The following TRAF6 variants were observed in gnomAD, a reference collection of about 807,000 sequenced individuals.
TRAF6 encodes TNF receptor associated factor 6.
TRAF6 carries 10 observed loss-of-function variants against 48.4 expected under a neutral mutation model. The observed-to-expected ratio is 0.21, with a 90% confidence interval of 0.13 to 0.35. TRAF6 has a LOEUF of 0.35. Ranked by LOEUF, TRAF6 falls within the 10% of genes least tolerant of loss-of-function variation. The pLI, the probability that TRAF6 is intolerant of heterozygous loss-of-function variation, is 1.00. For synonymous variants in TRAF6, 186 were observed against 219.6 expected (o/e 0.85, Z 1.35); for missense variants, 397 against 661.0 (o/e 0.60, Z 4.38).
chr11:36,500,775 C>T (rs972595073), intron 2 of TRAF6, among the ~76,000 whole-genome samples: 1 of 152,018 alleles, frequency 6.6e-6, no homozygotes, highest in African/African-American at 2.4e-5. Flanking sequence ...GGTAATTTTA[C>T]AGTTGACCAT....
intron 3 of TRAF6, among the ~76,000 whole-genome samples, chr11:36,497,884 AT>A (rs796280710): frequency 0.015 from 2,065 of 137,892 alleles, 29 homozygotes; most frequent in East Asian, 0.071. Context: ...TGACACTTGT[AT>A]TTTTTTTTTT....
In TRAF6 at chr11:36,507,565, A is replaced by G. The variant is rs374332990; in HGVS notation, c.-23+2483T>C. Among the ~76,000 whole-genome samples the G allele has an allele frequency of 2.4e-3, 10 of 4,172 alleles. 5 individuals carry two copies. Among genetic ancestry groups the G allele is most frequent in the African/African-American group, 2.7e-3 (10 of 3,754 alleles). 2.7% of individuals were successfully genotyped at this position (4,172 alleles called of 152,430 possible). A position where few individuals can be genotyped will look rare whatever the true frequency, so the allele number is the denominator to read the frequency against. The stretch of plus-strand genomic sequence containing the variant: ...TATACGTGTATACACGTATATATAC[A>G]TGTATATGTATACATACACGCGCGT... On this transcript the variant is annotated intron_variant, in intron 1 of 6. Coordinates refer to ENST00000526995, the MANE Select transcript of TRAF6 (RefSeq NM_004620.4).
At chr11:36,503,520 C>T (rs554561918) in intron 1 of TRAF6, among the ~76,000 whole-genome samples, 34 of 152,242 alleles carry the variant, frequency 2.2e-4, no homozygotes, top group Non-Finnish European at 1.5e-4. Flanking sequence ...TCACCTCAAA[C>T]GATCCACCTG....
chr11:36,490,563 C>A lies in TRAF6; in HGVS notation c.844G>T (p.Val282Phe), dbSNP rs376933557. The change falls in exon 7 of 7, where the codon GTT (valine) becomes TTT (phenylalanine). Residue 282 changes from valine (V) to phenylalanine (F), a missense_variant. Physicochemically the swap from Val to Phe is conservative, Grantham distance 50. Around this residue, in one of 4 missense-constraint regions of TRAF6, gnomAD observed 245 missense variants for 349.1 expected, o/e 0.70. Coordinates refer to ENST00000526995, the MANE Select transcript of TRAF6 (RefSeq NM_004620.4). This position sits in a 1 kb window ranked among gnomAD's most constrained non-coding sequence, Gnocchi z 6.4. Reference sequence around the variant, plus strand: ...GAGATATACCCAGAGTCGGGTATAACGCTCAAACTATGAACAGCCTGGGCC... The same window carrying A: ...GAGATATACCCAGAGTCGGGTATAAAGCTCAAACTATGAACAGCCTGGGCC... ...MLAQAVHSLS[V>F]IPDSGYISEV... 5.0e-6 allele frequency: 8 copies of A among 1,613,978 alleles called. No individual in the cohort carries two copies. The highest frequency in any genetic ancestry group is 1.7e-5 in the Admixed American group (1 of 59,986).
At chr11:36,509,831 G>A (rs900458305) in intron 1 of TRAF6, among the ~76,000 whole-genome samples, 7 of 151,538 alleles carry the variant, frequency 4.6e-5, no homozygotes, top group Non-Finnish European at 8.8e-5. Flanking sequence ...AGAGGACAGG[G>A]GCGGCGTCCC....
intron 5 of TRAF6, among the ~76,000 whole-genome samples, chr11:36,494,494 T>C (rs1859603593): frequency 6.6e-6 from 1 of 152,134 alleles, no homozygotes; most frequent in African/African-American, 2.4e-5. Context: ...TCTGAAAACT[T>C]CCCTGTATGC....
At chr11:36,501,822 G>C (rs925860003) in intron 1 of TRAF6, 1 of 207,162 alleles carries the variant, frequency 4.8e-6, no homozygotes, top group African/African-American at 2.3e-5. Flanking sequence ...CTAGTAGAAC[G>C]ACAGCATATA....
intron 5 of TRAF6, 143 bp from the exon 6 acceptor site, chr11:36,492,771 A>G: frequency 1.7e-6 from 1 of 597,136 alleles, no homozygotes; most frequent in South Asian, 2.5e-5. Context: ...CATCACCCAC[A>G]AAAATTAAAA....
intron 1 of TRAF6, among the ~76,000 whole-genome samples, chr11:36,504,191 A>G (rs1232289900): frequency 6.6e-6 from 1 of 152,204 alleles, no homozygotes; most frequent in African/African-American, 2.4e-5. Context: ...TCAAAATAAT[A>G]CAACAATGAA....
At chr11:36,504,175 A>C (rs1053573277) in intron 1 of TRAF6, among the ~76,000 whole-genome samples, 1 of 151,646 alleles carries the variant, frequency 6.6e-6, no homozygotes, top group Non-Finnish European at 1.5e-5. Flanking sequence ...TGGCTGTGAA[A>C]ATTTCTCAAA....
Position 36,498,633 on chromosome 11 carries a change from C to A in TRAF6, c.304G>T (p.Gly102Cys). Residue 102 changes from glycine to cysteine, a missense_variant, in exon 3 of 7, where the codon GGT becomes TGT. Coordinates refer to ENST00000526995, the MANE Select transcript of TRAF6 (RefSeq NM_004620.4). ...TCATTGTCAACTGGACATTTGTGAC[C>A]TGCATCCCTAACAGAAACAAAATAC... ...ACIIKSIRDA[G>C]HKCPVDNEIL... The A allele has an allele frequency of 1.2e-6, 2 of 1,607,958 alleles. No individual in the cohort carries two copies. The highest frequency in any genetic ancestry group is 1.7e-6 in the Non-Finnish European group (2 of 1,178,270).
At chr11:36,497,687 T>A (rs1190840965) in intron 3 of TRAF6, among the ~76,000 whole-genome samples, 2 of 152,204 alleles carry the variant, frequency 1.3e-5, no homozygotes, top group Non-Finnish European at 2.9e-5. Flanking sequence ...CTATTTAGTA[T>A]AAAAGCAAAT....
At position 36,490,088 on chromosome 11, in the gene TRAF6, G is replaced by A; in HGVS notation, c.1319C>T (p.Ala440Val). 1 of 1,614,170 alleles carries A rather than the reference G, an allele frequency of 6.2e-7. No homozygotes were observed. The highest frequency in any genetic ancestry group is 1.3e-5 in the African/African-American group (1 of 75,040). ...IRLTILDQSE[A>V]PVRQNHEEIM... Reference sequence around the variant, plus strand: ...CTCTTCGTGGTTTTGCCTTACAGGTGCTTCAGACTGATCAAGAATTGTAAG... The same window carrying A: ...CTCTTCGTGGTTTTGCCTTACAGGTACTTCAGACTGATCAAGAATTGTAAG... The change falls in exon 7 of 7, where the codon GCA (alanine) becomes GTA (valine). Residue 440 changes from alanine to valine, a missense_variant. By Grantham distance (64) the Ala-to-Val change is moderately conservative. Coordinates refer to ENST00000526995, the MANE Select transcript of TRAF6 (RefSeq NM_004620.4). This position sits in a 1 kb window ranked among gnomAD's most constrained non-coding sequence, Gnocchi z 6.4.
Position 36,501,344 on chromosome 11 carries a change from C to T in TRAF6, c.172G>A (p.Val58Ile), listed in dbSNP as rs1179758607. 1 of 1,613,994 alleles carries T rather than the reference C, an allele frequency of 6.2e-7. No individual in the cohort carries two copies. Among genetic ancestry groups the T allele is most frequent in the African/African-American group, 1.3e-5 (1 of 74,888 alleles). ...SFMEEIQGYD[V>I]EFDPPLESKY... Reference sequence around the variant, plus strand: ...CTTTCCAGGGGTGGGTCAAACTCTACATCATATCCCTGGATCTCCTCCATA... The same window carrying T: ...CTTTCCAGGGGTGGGTCAAACTCTATATCATATCCCTGGATCTCCTCCATA... Residue 58 changes from valine (V) to isoleucine (I), a missense_variant, in exon 2 of 7, where the codon GTA (valine) becomes ATA (isoleucine). Physicochemically the swap from Val to Ile is conservative, Grantham distance 29. Transcript: ENST00000526995.
At chr11:36,509,995 C>G (rs1347120786) in intron 1 of TRAF6, 53 bp downstream of exon 1, 1 of 152,232 alleles carries the variant, frequency 6.6e-6, no homozygotes, top group Non-Finnish European at 1.5e-5. Flanking sequence ...CGTCCCTGAC[C>G]GCTGGGAAGC....
chr11:36,510,236 C>G lies in TRAF6; in HGVS notation c.-211G>C, dbSNP rs1202939752. The G allele has an allele frequency of 1.3e-5, 2 of 152,290 alleles. No homozygotes were observed. Among genetic ancestry groups the G allele is most frequent in the East Asian group, 2.0e-4 (1 of 5,126 alleles). 9.4% of individuals were successfully genotyped at this position (152,290 alleles called of 1,614,324 possible). A position where few individuals can be genotyped will look rare whatever the true frequency, so the allele number is the denominator to read the frequency against. On this transcript the variant is annotated 5_prime_UTR_variant, in exon 1 of 7. Coordinates refer to ENST00000526995, the MANE Select transcript of TRAF6 (RefSeq NM_004620.4). The stretch of plus-strand genomic sequence containing the variant: ...TTCGCTGGCCGCCCGCAGGCCAAGC[C>G]CCAGCTGCGGACGCCACTGCTTCCG...
chr11:36,496,213 T>G (rs918477180), intron 4 of TRAF6: 2 of 152,222 alleles, frequency 1.3e-5, no homozygotes, highest in African/African-American at 4.8e-5. Flanking sequence ...ACTTAATCTA[T>G]CTCAGTTTCT....
intron 6 of TRAF6, among the ~76,000 whole-genome samples, chr11:36,491,020 G>T (rs1438729037): frequency 2.6e-5 from 4 of 152,278 alleles, no homozygotes; most frequent in African/African-American, 9.6e-5. Context: ...TTTACTCAGT[G>T]ATTTTTCTTC....
At chr11:36,503,812 C>T (rs1244437424) in intron 1 of TRAF6, among the ~76,000 whole-genome samples, 2 of 152,148 alleles carry the variant, frequency 1.3e-5, no homozygotes, top group African/African-American at 4.8e-5. Flanking sequence ...TTATGCTACA[C>T]TAGGGTATAT....
Sources: gnomAD v4.1 joint callset for allele counts (sites outside exome capture counted in the v4.1 genomes callset) on GRCh38, gnomAD v4.1.1 for gene constraint, gnomAD v4.1.1 regional missense constraint, Gnocchi (gnomAD v3.1) non-coding constraint, MANE v1.5 for transcripts, NCBI Gene and HGNC (gene_info 2026-07-23, HGNC 2026-07-21) for gene names.